PAQR5: variants seen among roughly 807,000 people sequenced by gnomAD.
PAQR5 encodes membrane progestin receptor gamma.
PAQR5 carries 20 observed loss-of-function variants against 34.5 expected under a neutral mutation model. The observed-to-expected ratio is 0.58, with a 90% CI of 0.41 to 0.84. The LOEUF is 0.84. PAQR5 is among the 40% of genes least tolerant of loss of function. The pLI is 0.00. For missense variants in PAQR5, 378 were observed against 412.7 expected (o/e 0.92, Z 0.73); for synonymous variants, 131 against 155.6 (o/e 0.84, Z 1.18).
chr15:69,332,827 G>T (rs1438661782), intron 1 of PAQR5, among the ~76,000 whole-genome samples: 1 of 143,280 alleles, frequency 7.0e-6, no homozygotes, highest in Non-Finnish European at 1.5e-5. Context: ...CCTTCTCCTT[G>T]AGACATGAAT....
intron 5 of PAQR5, among the ~76,000 whole-genome samples, chr15:69,388,249 T>C (rs1260683980): frequency 6.6e-6 from 1 of 152,224 alleles, no homozygotes; most frequent in East Asian, 1.9e-4. Flanking sequence ...CACTAGGTTT[T>C]GGTCATCAGA....
Position 69,404,660 on chromosome 15 carries a change from A to T in PAQR5, c.*838A>T, listed in dbSNP as rs964773458. On this transcript the variant is annotated 3_prime_UTR_variant, in exon 9 of 9. Transcript: ENST00000395407. ...ACCTTTTAAACCAATGGAAATTGCT[A>T]TATTTGGGGATGTCATACATTTGAT... 6.5e-6 allele frequency: 2 copies of T among 306,348 alleles called. No homozygotes were observed. The highest frequency in any genetic ancestry group is 1.2e-5 in the Non-Finnish European group (2 of 168,600). The allele number at this position is 306,348 out of a possible 1,614,324, so 19.0% of individuals were successfully genotyped here. A position where few individuals can be genotyped will look rare whatever the true frequency, so the allele number is the denominator to read the frequency against.
At chr15:69,364,135 G>A (rs1158991942) in intron 3 of PAQR5, among the ~76,000 whole-genome samples, 2 of 152,098 alleles carry the variant, frequency 1.3e-5, no homozygotes, top group African/African-American at 4.8e-5. Flanking sequence ...AAATAGAACA[G>A]TGGGATTATT....
At chr15:69,364,940 C>A (rs2055355937) in intron 3 of PAQR5, among the ~76,000 whole-genome samples, 1 of 151,814 alleles carries the variant, frequency 6.6e-6, no homozygotes, top group Non-Finnish European at 1.5e-5. Flanking sequence ...GTTTCACTAT[C>A]TTGGCCAGGC....
chr15:69,401,943 G>A (rs1368902877), intron 8 of PAQR5, among the ~76,000 whole-genome samples: 1 of 152,182 alleles, frequency 6.6e-6, no homozygotes, highest in African/African-American at 2.4e-5. Context: ...GTGTTGCCCA[G>A]GCTGGTCTCA....
chr15:69,309,974 G>T (rs1195348469), intron 1 of PAQR5, among the ~76,000 whole-genome samples: 1 of 152,026 alleles, frequency 6.6e-6, no homozygotes, highest in Non-Finnish European at 1.5e-5. Context: ...CTTGAACCCA[G>T]GAGGTGGAGG....
chr15:69,392,009 AGCAT>A, intron 6 of PAQR5: 1 of 380,492 alleles, frequency 2.6e-6, no homozygotes. Context: ...GTGAGCTGAG[AGCAT>A]GCCACTGTAC....
chr15:69,374,777 G>A (rs944683611), intron 3 of PAQR5, among the ~76,000 whole-genome samples: 9 of 151,794 alleles, frequency 5.9e-5, no homozygotes, highest in Admixed American at 2.6e-4. Context: ...CAGACTCCCC[G>A]CTAGCCTCTA....
chr15:69,324,129 CAA>C (rs55634756), intron 1 of PAQR5, among the ~76,000 whole-genome samples: 14 of 135,430 alleles, frequency 1.0e-4, no homozygotes, highest in Admixed American at 2.2e-4. Context: ...ATAGCTAGGG[CAA>C]AAAAAAAAAA....
At chr15:69,316,242 G>A (rs1281371289) in intron 1 of PAQR5, among the ~76,000 whole-genome samples, 2 of 152,086 alleles carry the variant, frequency 1.3e-5, no homozygotes, top group South Asian at 2.1e-4. Context: ...CACCACACCC[G>A]GCTAGTTTTT....
chr15:69,303,381 A>G (rs1234758863), intron 1 of PAQR5, among the ~76,000 whole-genome samples: 1 of 152,154 alleles, frequency 6.6e-6, no homozygotes, highest in Non-Finnish European at 1.5e-5. Context: ...CTGAATGGAC[A>G]GCCGCCACAT....
intron 1 of PAQR5, among the ~76,000 whole-genome samples, chr15:69,303,730 T>C (rs1393849): frequency 0.66 from 99,810 of 151,824 alleles, 33,548 homozygotes; most frequent in Non-Finnish European, 0.73. Context: ...GTCTGAGAAA[T>C]GCAGCCAGAG....
intron 1 of PAQR5, among the ~76,000 whole-genome samples, chr15:69,299,605 C>A (rs2053481324): frequency 6.6e-6 from 1 of 152,206 alleles, no homozygotes; most frequent in Non-Finnish European, 1.5e-5. Context: ...GGAGTTCCCC[C>A]TGCTCTGTCA....
At chr15:69,338,886 C>T (rs1402093738) in intron 2 of PAQR5, among the ~76,000 whole-genome samples, 1 of 152,178 alleles carries the variant, frequency 6.6e-6, no homozygotes, top group Non-Finnish European at 1.5e-5. Context: ...TCCTTCTTGC[C>T]TGGGGACTAG....
intron 2 of PAQR5, among the ~76,000 whole-genome samples, chr15:69,350,848 C>T (rs2054899862): frequency 6.6e-6 from 1 of 152,166 alleles, no homozygotes; most frequent in African/African-American, 2.4e-5. Flanking sequence ...ATTACTCTTT[C>T]TCCCAGGCTT....
intron 3 of PAQR5, among the ~76,000 whole-genome samples, chr15:69,371,769 G>A (rs577490115): frequency 2.6e-5 from 4 of 152,106 alleles, no homozygotes; most frequent in South Asian, 2.1e-4. Context: ...TAATAAATAC[G>A]TATTTTTAAT....
intron 3 of PAQR5, among the ~76,000 whole-genome samples, chr15:69,365,826 A>G (rs1041670839): frequency 1.3e-5 from 2 of 152,054 alleles, no homozygotes; most frequent in African/African-American, 4.8e-5. Flanking sequence ...ATATTGCCCA[A>G]CTCTAAGGGG....
At chr15:69,318,331 C>T (rs2054001101) in intron 1 of PAQR5, among the ~76,000 whole-genome samples, 1 of 152,222 alleles carries the variant, frequency 6.6e-6, no homozygotes, top group Admixed American at 6.5e-5. Flanking sequence ...GATTTGGTGT[C>T]AGACATTATG....
intron 3 of PAQR5, among the ~76,000 whole-genome samples, chr15:69,370,603 T>A (rs1250489477): frequency 6.6e-6 from 1 of 152,212 alleles, no homozygotes; most frequent in African/African-American, 2.4e-5. Flanking sequence ...CACTGCAACA[T>A]CTGCCTCCCA....
Sources: gnomAD v4.1 joint callset for allele counts (sites outside exome capture counted in the v4.1 genomes callset) on GRCh38, gnomAD v4.1.1 for gene constraint, MANE v1.5 for transcripts, NCBI Gene and HGNC (gene_info 2026-07-23, HGNC 2026-07-21) for gene names.